Variants in SPTBN1 observed in about 807,000 individuals in gnomAD.
SPTBN1 encodes the protein spectrin beta, non-erythrocytic 1.
In SPTBN1, 32 loss-of-function variants were observed where a neutral mutation model predicts 266.4. The ratio of observed to expected loss-of-function variants is 0.12; its 90% CI spans 0.09 to 0.16. The LOEUF is 0.16. Ranked by LOEUF, SPTBN1 falls within the 10% of genes least tolerant of loss-of-function variation. The pLI is 1.00. For missense variants in SPTBN1, 2,296 were observed against 3,067.1 expected (o/e 0.75, Z 5.94); for synonymous variants, 1,336 against 1,162.2 (o/e 1.15, Z -3.04).
At chr2:54,524,584 C>T (rs1670684732) in intron 1 of SPTBN1, among the ~76,000 whole-genome samples, 1 of 152,174 alleles carries the variant, frequency 6.6e-6, no homozygotes, top group African/African-American at 2.4e-5. Flanking sequence ...CCAAGTGGCC[C>T]CTGCTTCCAT....
In SPTBN1 at chr2:54,659,243, G is replaced by A. The variant is rs932307051; in HGVS notation, c.6333G>A (p.Glu2111=). The A allele has an allele frequency of 1.7e-5, 28 of 1,613,982 alleles. No homozygotes were observed. Among genetic ancestry groups the A allele is most frequent in the Admixed American group, 3.3e-5 (2 of 59,992 alleles). Reference sequence around the variant, plus strand: ...CCGAGCCGAGCACGAAGGTTTCAGAGGAAGCCGAGTCCCAGCAGCAGTGGT... The same window carrying A: ...CCGAGCCGAGCACGAAGGTTTCAGAAGAAGCCGAGTCCCAGCAGCAGTGGT... ...PSPEPSTKVS[E]EAESQQQWDT... Residue 2111 remains glutamate, a synonymous_variant, in exon 31 of 36, where the codon GAG becomes GAA. Coordinates refer to ENST00000356805, the MANE Select transcript of SPTBN1 (RefSeq NM_003128.3).
chr2:54,614,414 T>C (rs2103815270), intron 4 of SPTBN1, among the ~76,000 whole-genome samples: 1 of 152,236 alleles, frequency 6.6e-6, no homozygotes, highest in East Asian at 1.9e-4. Context: ...GCGTGTGCTC[T>C]CATTGCTACC....
At chr2:54,495,441 G>T (rs1668916434) in intron 1 of SPTBN1, among the ~76,000 whole-genome samples, 1 of 152,114 alleles carries the variant, frequency 6.6e-6, no homozygotes, top group Non-Finnish European at 1.5e-5. Flanking sequence ...GTTCTGCGTT[G>T]TCCAGGAAAC....
chr2:54,460,492 A>G (rs1693306161), intron 1 of SPTBN1, among the ~76,000 whole-genome samples: 1 of 152,138 alleles, frequency 6.6e-6, no homozygotes, highest in African/African-American at 2.4e-5. Flanking sequence ...TCCCCTCTGG[A>G]AGAAAAAGGC....
intron 2 of SPTBN1, among the ~76,000 whole-genome samples, chr2:54,566,339 C>A (rs910487380): frequency 6.6e-6 from 1 of 151,836 alleles, no homozygotes; most frequent in Non-Finnish European, 1.5e-5. Flanking sequence ...AGGCGCCCAC[C>A]ACCACGCCCA....
At chr2:54,553,184 AG>A (rs1672679510) in intron 2 of SPTBN1, among the ~76,000 whole-genome samples, 1 of 152,144 alleles carries the variant, frequency 6.6e-6, no homozygotes, top group South Asian at 2.1e-4. Context: ...CCATTGAAAA[AG>A]GACTAGGTTT....
intron 1 of SPTBN1, among the ~76,000 whole-genome samples, chr2:54,508,536 G>T (rs1328987657): frequency 3.5e-5 from 5 of 141,490 alleles, no homozygotes; most frequent in African/African-American, 9.6e-5. Flanking sequence ...CGGGTTCTAA[G>T]AGGCGGGCTA....
intron 7 of SPTBN1, among the ~76,000 whole-genome samples, chr2:54,619,312 A>G (rs1243061378): frequency 6.6e-6 from 1 of 152,360 alleles, no homozygotes; most frequent in South Asian, 2.1e-4. Context: ...CAGAAAACTA[A>G]AATTCCTTGG....
chr2:54,606,526 T>G lies in SPTBN1; in HGVS notation c.301-5635T>G, dbSNP rs143502672. ...AAAAATGTCAGAAGCCCCTGCACCT[T>G]TCTTAGAGGCAGTTAATCCCCATCC... On this transcript the variant is annotated intron_variant, in intron 3 of 35. Coordinates refer to ENST00000356805, the MANE Select transcript of SPTBN1 (RefSeq NM_003128.3). Among the ~76,000 whole-genome samples, 553 of 152,262 alleles carry G rather than the reference T, an allele frequency of 3.6e-3. 2 individuals carry two copies. The highest frequency in any genetic ancestry group is 7.3e-3 in the Admixed American group (111 of 15,290).
intron 3 of SPTBN1, among the ~76,000 whole-genome samples, chr2:54,607,452 A>G (rs1460573819): frequency 1.3e-5 from 2 of 152,108 alleles, no homozygotes; most frequent in African/African-American, 4.8e-5. Context: ...GTGAAACGCC[A>G]TCTCTACTAA....
At chr2:54,652,211 TTATA>T (rs1680347717) in intron 26 of SPTBN1, among the ~76,000 whole-genome samples, 1 of 152,192 alleles carries the variant, frequency 6.6e-6, no homozygotes, top group African/African-American at 2.4e-5. Flanking sequence ...GTTACATACT[TTATA>T]TAAGGCATGT....
chr2:54,606,524 C>A (rs952955321), intron 3 of SPTBN1, among the ~76,000 whole-genome samples: 2 of 152,198 alleles, frequency 1.3e-5, no homozygotes, highest in African/African-American at 4.8e-5. Context: ...GCCCCTGCAC[C>A]TTTCTTAGAG....
intron 1 of SPTBN1, among the ~76,000 whole-genome samples, chr2:54,522,228 G>C (rs1485925363): frequency 1.3e-5 from 2 of 152,152 alleles, no homozygotes; most frequent in Non-Finnish European, 2.9e-5. Flanking sequence ...AGGAACAATA[G>C]TAGTGTTTTT....
chr2:54,470,866 C>G (rs1245774017), intron 1 of SPTBN1, among the ~76,000 whole-genome samples: 1 of 152,198 alleles, frequency 6.6e-6, no homozygotes, highest in Non-Finnish European at 1.5e-5. Flanking sequence ...TGAGATTATC[C>G]TTTAGAACAA....
intron 1 of SPTBN1, among the ~76,000 whole-genome samples, chr2:54,500,167 T>G (rs1425785519): frequency 6.6e-6 from 1 of 152,246 alleles, no homozygotes; most frequent in African/African-American, 2.4e-5. Flanking sequence ...GTTTGTTAGG[T>G]GATGGCTTAT....
At chr2:54,525,216 G>A (rs547066541) in intron 1 of SPTBN1, among the ~76,000 whole-genome samples, 2 of 152,184 alleles carry the variant, frequency 1.3e-5, no homozygotes, top group African/African-American at 4.8e-5. Flanking sequence ...ACCATGCACT[G>A]GTACTGTCCT....
chr2:54,567,335 T>TTTTA (rs1038673273), intron 2 of SPTBN1, among the ~76,000 whole-genome samples: 25 of 152,058 alleles, frequency 1.6e-4, no homozygotes, highest in East Asian at 3.9e-4. Flanking sequence ...AGGATTTTTA[T>TTTTA]TTTATTTATT....
chr2:54,578,175 T>A (rs1573454415), intron 2 of SPTBN1, among the ~76,000 whole-genome samples: 1 of 152,158 alleles, frequency 6.6e-6, no homozygotes, highest in Admixed American at 6.5e-5. Flanking sequence ...TGAAGTAGAA[T>A]CTTGGATTTA....
Position 54,533,817 on chromosome 2 carries a change from C to G in SPTBN1, c.148+7251C>G, listed in dbSNP as rs1573359514. ...CCGCCCGCCTTGGCCTCCCAAAGTG[C>G]TGGGATTACAGGCGTGAGCCTCCAC... is the stretch of plus-strand genomic sequence containing the variant. On this transcript the variant is annotated intron_variant, in intron 2 of 35. Coordinates refer to ENST00000356805, the MANE Select transcript of SPTBN1 (RefSeq NM_003128.3). This position sits in a 1 kb window ranked among gnomAD's most constrained non-coding sequence, Gnocchi z 4.2. Among the ~76,000 whole-genome samples the G allele has an allele frequency of 6.6e-6, 1 of 152,156 alleles. No individual in the cohort carries two copies. Among genetic ancestry groups the G allele is most frequent in the South Asian group, 2.1e-4 (1 of 4,830 alleles).
Sources: gnomAD v4.1 joint callset for allele counts (sites outside exome capture counted in the v4.1 genomes callset) on GRCh38, gnomAD v4.1.1 for gene constraint, Gnocchi (gnomAD v3.1) non-coding constraint, MANE v1.5 for transcripts, NCBI Gene and HGNC (gene_info 2026-07-23, HGNC 2026-07-21) for gene names.